The following MCTP2 variants were observed in gnomAD, a reference collection of about 807,000 sequenced individuals.
MCTP2 encodes multiple C2 and transmembrane domain containing 2, also known as multiple C2 and transmembrane domain-containing protein 2.
A neutral mutation model predicts 111.6 loss-of-function variants in MCTP2; 132 were observed. That is an observed-to-expected ratio of 1.18 (90% CI 1.03 to 1.37). MCTP2 has a LOEUF of 1.37. Among genes scored for constraint, MCTP2 ranks in the 40% most tolerant of loss-of-function variants. MCTP2 has a pLI of 0.00. For missense variants in MCTP2, 1,183 were observed against 1,067.9 expected, an observed-to-expected ratio of 1.11 and a Z score of -1.50; for synonymous variants, 395 against 387.7, an observed-to-expected ratio of 1.02 and a Z score of -0.22.
chr15:94,258,709 T>C (rs555868666), intron 1 of MCTP2, among the ~76,000 whole-genome samples: 10 of 152,314 alleles, frequency 6.6e-5, no homozygotes, highest in Middle Eastern at 3.4e-3. Context: ...ATTATGTTCA[T>C]TACCTGATTC....
chr15:94,379,859 T>A (rs1010968541), intron 12 of MCTP2, among the ~76,000 whole-genome samples: 5 of 145,110 alleles, frequency 3.4e-5, no homozygotes, highest in African/African-American at 1.2e-4. Flanking sequence ...ATATATATAA[T>A]ATATGACATA....
intron 14 of MCTP2, among the ~76,000 whole-genome samples, chr15:94,396,345 C>G (rs2081280442): frequency 6.6e-6 from 1 of 151,788 alleles, no homozygotes; most frequent in Non-Finnish European, 1.5e-5. Context: ...TTAATTATGT[C>G]TGTTTAATTA....
intron 17 of MCTP2, among the ~76,000 whole-genome samples, chr15:94,439,203 G>C (rs1348668804): frequency 6.6e-6 from 1 of 151,994 alleles, no homozygotes; most frequent in East Asian, 1.9e-4. Context: ...TAATCACAAA[G>C]AGAAAATTTT....
intron 17 of MCTP2, among the ~76,000 whole-genome samples, chr15:94,431,549 G>T (rs543147016): frequency 1.4e-4 from 21 of 152,234 alleles, no homozygotes; most frequent in African/African-American, 5.1e-4. Context: ...GTTTTGCTTT[G>T]GTATAGTGAT....
intron 22 of MCTP2, among the ~76,000 whole-genome samples, chr15:94,478,652 C>A (rs2074559245): frequency 1.3e-5 from 2 of 152,210 alleles, no homozygotes; most frequent in Non-Finnish European, 2.9e-5. Context: ...TCCCAAGAGG[C>A]AGTTATTAAG....
Position 94,476,601 on chromosome 15 carries a change from CTGACAGATAGAT to C in MCTP2, c.2471-94_2471-83del, listed in dbSNP as rs1397691293. 4.1e-5 allele frequency: 31 copies of C among 748,310 alleles called. No homozygotes were observed. In the East Asian group the frequency reaches 7.9e-4, roughly 19 times the overall value. 46.4% of individuals were successfully genotyped at this position (748,310 alleles called of 1,614,324 possible). The stretch of plus-strand genomic sequence containing the variant: ...AGATGCTAGATAGATAGATGATTGA[CTGACAGATAGAT>C]AGATAGATAGATAGATAGATAGATA... On this transcript the variant is annotated intron_variant, in intron 21 of 22. Transcript: ENST00000357742.
At chr15:94,303,921 A>G (rs2075765763) in intron 2 of MCTP2, among the ~76,000 whole-genome samples, 1 of 152,182 alleles carries the variant, frequency 6.6e-6, no homozygotes. Context: ...AAATCTGTAG[A>G]GAGAAGAAGG....
rs1052030622 is a variant in MCTP2, at chr15:94,472,372, G to A, written c.2470+1930G>A. Among the ~76,000 whole-genome samples, 9 of 152,246 alleles carry A rather than the reference G, an allele frequency of 5.9e-5. No homozygotes were observed. The East Asian group carries it at 9.6e-4, about 16-fold the overall frequency. The stretch of plus-strand genomic sequence containing the variant: ...AGCCTGGGCAACAGAACAAGACTCC[G>A]TCTCAAAATCAAAACAAAACAAAAA... On this transcript the variant is annotated intron_variant, in intron 21 of 22. Transcript: ENST00000357742.
Position 94,461,909 on chromosome 15 carries a change from G to A in MCTP2, c.2360+3663G>A, listed in dbSNP as rs367873132. Among the ~76,000 whole-genome samples, 13 of 152,198 alleles carry A rather than the reference G, an allele frequency of 8.5e-5. No homozygotes were observed. The East Asian group carries it at 1.5e-3, about 18-fold the overall frequency. On this transcript the variant is annotated intron_variant, in intron 20 of 22. Coordinates refer to ENST00000357742, the MANE Select transcript of MCTP2 (RefSeq NM_001385001.1). ...GATGCATTTTGTGTTTAAATCAAGA[G>A]TGACATGTCAAAAGGGACAAAGGAA... is the stretch of plus-strand genomic sequence containing the variant.
intron 22 of MCTP2, among the ~76,000 whole-genome samples, chr15:94,477,708 C>A (rs74029269): frequency 1.3e-5 from 2 of 152,104 alleles, no homozygotes; most frequent in South Asian, 4.1e-4. Context: ...AGATCTGGGG[C>A]GGAAAAGCCT....
intron 1 of MCTP2, among the ~76,000 whole-genome samples, chr15:94,242,520 T>A (rs1208459037): frequency 6.6e-6 from 1 of 152,000 alleles, no homozygotes; most frequent in Non-Finnish European, 1.5e-5. Flanking sequence ...TACATTGCCT[T>A]CTAACCAGGA....
chr15:94,241,213 A>G (rs941522538), intron 1 of MCTP2, among the ~76,000 whole-genome samples: 2 of 152,166 alleles, frequency 1.3e-5, no homozygotes, highest in Non-Finnish European at 2.9e-5. Flanking sequence ...GGCAGGGGAA[A>G]GTAGTGGAAG....
At chr15:94,380,829 T>G (rs2080096763) in intron 12 of MCTP2, among the ~76,000 whole-genome samples, 1 of 152,224 alleles carries the variant, frequency 6.6e-6, no homozygotes, top group South Asian at 2.1e-4. Context: ...ATTTATTATT[T>G]GTCATTCAGC....
chr15:94,309,206 C>G lies in MCTP2; in HGVS notation c.466-5076C>G, dbSNP rs16948901. Among the ~76,000 whole-genome samples, 27 of 152,092 alleles carry G rather than the reference C, an allele frequency of 1.8e-4. No homozygotes were observed. In the South Asian group the frequency reaches 4.3e-3, roughly 25 times the overall value. On this transcript the variant is annotated intron_variant, in intron 2 of 22. Transcript: ENST00000357742. ...TATCACTGTGTCCAGTTGCTGCTTCCTGGTTAGTGGAGCCGTCTGATTCCT... is the reference window on the plus strand; with the variant it reads ...TATCACTGTGTCCAGTTGCTGCTTCGTGGTTAGTGGAGCCGTCTGATTCCT...
rs199642819 is a variant in MCTP2 at position 94,298,217 on chromosome 15, C to A, written c.-49C>A. Reference sequence around the variant, plus strand: ...GTTTTATAGGAGTCATTGCAGTTTTCAGTAGAGGTGTACTTCTGAGAAGTG... The same window carrying A: ...GTTTTATAGGAGTCATTGCAGTTTTAAGTAGAGGTGTACTTCTGAGAAGTG... On this transcript the variant is annotated 5_prime_UTR_variant, in exon 2 of 23. Transcript: ENST00000357742. The A allele has an allele frequency of 1.7e-5, 22 of 1,306,150 alleles. No individual in the cohort carries two copies. Among genetic ancestry groups the A allele is most frequent in the Non-Finnish European group, 2.2e-5 (21 of 967,180 alleles). 80.9% of individuals were successfully genotyped at this position (1,306,150 alleles called of 1,614,324 possible).
intron 1 of MCTP2, among the ~76,000 whole-genome samples, chr15:94,245,306 A>C (rs937572313): frequency 7.0e-5 from 10 of 142,502 alleles, no homozygotes; most frequent in Admixed American, 3.6e-4. Context: ...ATTTATATAC[A>C]TATATGTACA....
chr15:94,382,061 A>T (rs1337359489), intron 12 of MCTP2, among the ~76,000 whole-genome samples: 1 of 152,222 alleles, frequency 6.6e-6, no homozygotes, highest in African/African-American at 2.4e-5. Flanking sequence ...CTGGCCTTTC[A>T]GGCCTGGGTA....
At chr15:94,259,623 G>A (rs1275481537) in intron 1 of MCTP2, among the ~76,000 whole-genome samples, 2 of 152,164 alleles carry the variant, frequency 1.3e-5, no homozygotes, top group African/African-American at 2.4e-5. Context: ...AGGGTATTGT[G>A]TAATATATGA....
chr15:94,367,324 G>A (rs16949023), intron 10 of MCTP2, among the ~76,000 whole-genome samples: 43,655 of 151,916 alleles, frequency 0.29, 7,127 homozygotes, highest in African/African-American at 0.43. Flanking sequence ...TTATCTTTCT[G>A]CAGACCTTAT....
Sources: allele counts gnomAD v4.1 joint callset (sites outside exome capture counted in the v4.1 genomes callset), GRCh38; gene constraint gnomAD v4.1.1; transcripts MANE v1.5; gene names NCBI Gene and HGNC (gene_info 2026-07-23, HGNC 2026-07-21).